PTPRD: variants seen among roughly 807,000 people sequenced by gnomAD.
PTPRD encodes receptor-type tyrosine-protein phosphatase delta.
In PTPRD, 34 loss-of-function variants were observed where a neutral mutation model predicts 214.5. The observed-to-expected ratio is 0.16, with a 90% CI of 0.12 to 0.21. PTPRD has a LOEUF of 0.21. Ranked by LOEUF, PTPRD falls within the 10% of genes least tolerant of loss-of-function variation. The pLI, the probability that PTPRD is intolerant of heterozygous loss-of-function variation, is 1.00. For synonymous variants in PTPRD, 1,128 were observed against 845.7 expected, an observed-to-expected ratio of 1.33 and a Z score of -5.79; for missense variants, 2,545 against 2,398.7, an observed-to-expected ratio of 1.06 and a Z score of -1.27.
chr9:10,578,138 G>A (rs1480492308), intron 2 of PTPRD, among the ~76,000 whole-genome samples: 1 of 151,986 alleles, frequency 6.6e-6, no homozygotes, highest in Admixed American at 6.6e-5. Context: ...TCAAACTCCT[G>A]ACCTCAGGTG....
intron 3 of PTPRD, among the ~76,000 whole-genome samples, chr9:10,176,649 G>A (rs887003111): frequency 2.0e-5 from 3 of 151,970 alleles, no homozygotes; most frequent in Non-Finnish European, 4.4e-5. Flanking sequence ...TCTCTGAGGT[G>A]ACAGGGGCCT....
intron 3 of PTPRD, among the ~76,000 whole-genome samples, chr9:10,261,219 G>C (rs530344689): frequency 6.6e-6 from 1 of 151,526 alleles, no homozygotes; most frequent in African/African-American, 2.4e-5. Flanking sequence ...CAAAAACCTA[G>C]AGGATCATAG....
At chr9:9,599,195 G>C (rs76622995) in intron 7 of PTPRD, among the ~76,000 whole-genome samples, 1 of 152,038 alleles carries the variant, frequency 6.6e-6, no homozygotes, top group East Asian at 1.9e-4. Context: ...TTACATGCTA[G>C]GCACAATGCT....
chr9:9,790,841 T>C (rs1415001873), intron 5 of PTPRD, among the ~76,000 whole-genome samples: 1 of 131,932 alleles, frequency 7.6e-6, no homozygotes, highest in Non-Finnish European at 1.7e-5. Flanking sequence ...GCAATAAATA[T>C]ATTTTGAATA....
At chr9:10,405,846 TA>T (rs2098346162) in intron 2 of PTPRD, among the ~76,000 whole-genome samples, 1 of 151,438 alleles carries the variant, frequency 6.6e-6, no homozygotes, top group Non-Finnish European at 1.5e-5. Flanking sequence ...AAATAAAATT[TA>T]AAAGAATTAC....
intron 32 of PTPRD, among the ~76,000 whole-genome samples, chr9:8,464,034 A>G (rs1281029014): frequency 1.3e-5 from 2 of 151,974 alleles, no homozygotes; most frequent in African/African-American, 4.8e-5. Flanking sequence ...AAAATTCTTG[A>G]TTCTGTAATT....
At chr9:8,384,241 T>C (rs746437866) in intron 37 of PTPRD, among the ~76,000 whole-genome samples, 12 of 152,126 alleles carry the variant, frequency 7.9e-5, no homozygotes, top group Non-Finnish European at 5.9e-5. Context: ...TTCCAAACAG[T>C]TTCCTCCTTC....
chr9:8,467,982 C>T (rs895570197), intron 31 of PTPRD, among the ~76,000 whole-genome samples: 1 of 151,952 alleles, frequency 6.6e-6, no homozygotes, highest in East Asian at 1.9e-4. Context: ...GTCCCCTCTT[C>T]TACTTCACTG....
chr9:9,664,568 T>C (rs1459231951), intron 7 of PTPRD, among the ~76,000 whole-genome samples: 1 of 151,670 alleles, frequency 6.6e-6, no homozygotes. Flanking sequence ...GGTCTGTCAG[T>C]TTCATCCACA....
chr9:10,219,955 T>A (rs979379189), intron 3 of PTPRD, among the ~76,000 whole-genome samples: 1 of 151,874 alleles, frequency 6.6e-6, no homozygotes, highest in African/African-American at 2.4e-5. Context: ...GATAGGAGTA[T>A]GATCTATGAT....
At chr9:8,421,164 T>C (rs1456708206) in intron 35 of PTPRD, among the ~76,000 whole-genome samples, 2 of 152,292 alleles carry the variant, frequency 1.3e-5, no homozygotes, top group Admixed American at 6.5e-5. Context: ...CTATATATCA[T>C]GTGACTATGC....
intron 19 of PTPRD, among the ~76,000 whole-genome samples, chr9:8,522,559 T>C (rs1290750380): frequency 1.1e-4 from 17 of 152,198 alleles, no homozygotes; most frequent in Admixed American, 1.1e-3. Context: ...TGAGGGACAC[T>C]GGATCTAAAA....
At chr9:10,144,673 T>C (rs1366176655) in intron 3 of PTPRD, among the ~76,000 whole-genome samples, 1 of 152,098 alleles carries the variant, frequency 6.6e-6, no homozygotes, top group East Asian at 1.9e-4. Context: ...GAGGAAGAAT[T>C]TGATTTGTAA....
At chr9:9,398,840 G>T (rs745907110) in intron 8 of PTPRD, among the ~76,000 whole-genome samples, 2 of 152,008 alleles carry the variant, frequency 1.3e-5, no homozygotes, top group Non-Finnish European at 2.9e-5. Flanking sequence ...CAAGATGGAA[G>T]TTACTGGCAT....
intron 9 of PTPRD, among the ~76,000 whole-genome samples, chr9:9,241,103 G>C (rs927769077): frequency 6.6e-6 from 1 of 152,070 alleles, no homozygotes; most frequent in African/African-American, 2.4e-5. Flanking sequence ...AACAGAGTAA[G>C]AATTAATTCG....
At chr9:10,027,364 T>A (rs2096944402) in intron 4 of PTPRD, among the ~76,000 whole-genome samples, 1 of 152,200 alleles carries the variant, frequency 6.6e-6, no homozygotes, top group Non-Finnish European at 1.5e-5. Flanking sequence ...ATTTGACCTT[T>A]TCCAAGCTGT....
chr9:9,279,243 T>C (rs62535761), intron 9 of PTPRD, among the ~76,000 whole-genome samples: 1 of 149,710 alleles, frequency 6.7e-6, no homozygotes, highest in African/African-American at 2.4e-5. Flanking sequence ...TATATCTATA[T>C]AAGAATATGT....
rs58529453 is a variant in PTPRD, at chr9:8,414,930, G to GGAGAGAGAGAGAGA, written c.4087-10284_4087-10271dup. ...GAGGGAGGGGGAGAGAGAGGGAGGG[G>GGAGAGAGAGAGAGA]GAGAGAGAGAGAGAGAGAGAGAGAG... On this transcript the variant is annotated intron_variant, in intron 35 of 45. Coordinates refer to ENST00000381196, the MANE Select transcript of PTPRD (RefSeq NM_002839.4). Among the ~76,000 whole-genome samples the GGAGAGAGAGAGAGA allele has an allele frequency of 9.1e-4, 45 of 49,258 alleles. 1 individual carries two copies. Among genetic ancestry groups the GGAGAGAGAGAGAGA allele is most frequent in the Admixed American group, 2.0e-3 (7 of 3,448 alleles). 32.3% of individuals were successfully genotyped at this position (49,258 alleles called of 152,430 possible).
At chr9:9,624,501 T>C (rs1244555150) in intron 7 of PTPRD, among the ~76,000 whole-genome samples, 1 of 152,124 alleles carries the variant, frequency 6.6e-6, no homozygotes, top group African/African-American at 2.4e-5. Flanking sequence ...TTGGCCAGGC[T>C]GGTCTCAAAC....
Sources: allele counts gnomAD v4.1 joint callset (sites outside exome capture counted in the v4.1 genomes callset), GRCh38; gene constraint gnomAD v4.1.1; transcripts MANE v1.5; gene names NCBI Gene and HGNC (gene_info 2026-07-23, HGNC 2026-07-21).